The following MFSD11 variants were observed in gnomAD, a reference collection of about 807,000 sequenced individuals.
MFSD11 encodes the protein major facilitator superfamily domain containing 11, also known as UNC93-like protein MFSD11.
In MFSD11, 36 loss-of-function variants were observed where a neutral mutation model predicts 53.5. That is an observed-to-expected ratio of 0.67 (90% confidence interval 0.52 to 0.89). The LOEUF is 0.89. Ranked by LOEUF, MFSD11 falls within the 40% of genes least tolerant of loss-of-function variation. The pLI, the probability that MFSD11 is intolerant of heterozygous loss-of-function variation, is 0.00. For synonymous variants in MFSD11, 186 were observed against 184.9 expected (o/e 1.01, Z -0.05); for missense variants, 530 against 543.9 (o/e 0.97, Z 0.25).
chr17:76,796,302 A>C, the MFSD11 span, among the ~76,000 whole-genome samples: 4 of 152,226 alleles, frequency 2.6e-5, no homozygotes, highest in African/African-American at 9.6e-5. Context: ...ACTTTAGTGA[A>C]GTTCCCACAG....
Position 76,744,438 on chromosome 17 carries a change from T to C in MFSD11, c.613T>C (p.Ser205Pro), listed in dbSNP as rs1598499772. ...AAATGTCCTAGGAGAAGATGAGTCT[T>C]CTGATGACCAGGACATGGAAGTCAA... ...SENVLGEDES[S>P]DDQDMEVNES... Residue 205 changes from serine (S) to proline (P), a missense_variant, in exon 7 of 13, where the codon TCT (serine) becomes CCT (proline). Ser to Pro is a moderately conservative substitution (Grantham distance 74). Coordinates refer to ENST00000685175, the MANE Select transcript of MFSD11 (RefSeq NM_001242532.5). 1 of 1,613,452 alleles carries C rather than the reference T, an allele frequency of 6.2e-7. No homozygotes were observed. Among genetic ancestry groups the C allele is most frequent in the African/African-American group, 1.3e-5 (1 of 74,906 alleles).
At chr17:76,769,497 C>T in intron 9 of MFSD11, 1 of 306,292 alleles carries the variant, frequency 3.3e-6, no homozygotes, top group Non-Finnish European at 6.0e-6. Flanking sequence ...CAAATACCAT[C>T]ATGTTTTGGG....
the MFSD11 span, among the ~76,000 whole-genome samples, chr17:76,798,810 C>T: frequency 6.6e-6 from 1 of 151,670 alleles, no homozygotes; most frequent in African/African-American, 2.4e-5. Flanking sequence ...GGAGGATCAC[C>T]TGAGGTCAGG....
At chr17:76,801,026 G>A in the MFSD11 span, among the ~76,000 whole-genome samples, 2 of 151,622 alleles carry the variant, frequency 1.3e-5, no homozygotes, top group Non-Finnish European at 2.9e-5. Flanking sequence ...GCAGTGAGCC[G>A]AGATGGCACA....
chr17:76,791,372 C>CT, the MFSD11 span, among the ~76,000 whole-genome samples: 3 of 148,726 alleles, frequency 2.0e-5, no homozygotes, highest in African/African-American at 5.0e-5. Flanking sequence ...ATTCTTCAGT[C>CT]TTTTTTGTTT....
chr17:76,769,606 G>C, intron 9 of MFSD11, 140 bp from the exon 10 acceptor site: 2 of 600,386 alleles, frequency 3.3e-6, no homozygotes, highest in South Asian at 4.6e-5. Context: ...ATTATGCTCT[G>C]CTTGGGGATT....
At chr17:76,746,867 T>C (rs2078590758) in intron 7 of MFSD11, among the ~76,000 whole-genome samples, 1 of 152,162 alleles carries the variant, frequency 6.6e-6, no homozygotes, top group Non-Finnish European at 1.5e-5. Context: ...TTTCATGCCT[T>C]CTAACAACAT....
At chr17:76,758,287 A>G (rs894006124) in intron 8 of MFSD11, among the ~76,000 whole-genome samples, 4 of 136,904 alleles carry the variant, frequency 2.9e-5, no homozygotes, top group African/African-American at 5.2e-5. Flanking sequence ...TGAAACTATA[A>G]AAGTAATTGA....
chr17:76,765,667 T>C (rs1243143904), intron 8 of MFSD11, among the ~76,000 whole-genome samples: 1 of 151,956 alleles, frequency 6.6e-6, no homozygotes, highest in East Asian at 1.9e-4. Context: ...TTTCGCCATG[T>C]TGCCCAAGCT....
Position 76,741,984 on chromosome 17 carries a change from T to C in MFSD11, c.276T>C (p.Val92=), listed in dbSNP as rs1472492271. The change falls in exon 4 of 13, where the codon GTT becomes GTC. Residue 92 remains valine (V), a synonymous_variant. Coordinates refer to ENST00000685175, the MANE Select transcript of MFSD11 (RefSeq NM_001242532.5). ...SGLFYSMYIA[V]FIQPFPWSFY... is the part of the protein sequence containing the mutation. ...TATATTTTAGCATGTACATTGCCGT[T>C]TTCATCCAGCCTTTCCCGTGGTCCT... 1.9e-6 allele frequency: 3 copies of C among 1,614,216 alleles called. No individual in the cohort carries two copies. Among genetic ancestry groups the C allele is most frequent in the East Asian group, 2.2e-5 (1 of 44,882 alleles).
In MFSD11 at chr17:76,772,201, G is replaced by A. The variant is rs967981019; in HGVS notation, c.874+2330G>A. Reference sequence around the variant, plus strand: ...TTTGGGGAGCTGAGGTGGGCAGATCGCTTGAGTTCAGGAGTTTGAGACCAG... The same window carrying A: ...TTTGGGGAGCTGAGGTGGGCAGATCACTTGAGTTCAGGAGTTTGAGACCAG... On this transcript the variant is annotated intron_variant, in intron 10 of 12. Coordinates refer to ENST00000685175, the MANE Select transcript of MFSD11 (RefSeq NM_001242532.5). Among the ~76,000 whole-genome samples, 18 of 152,118 alleles carry A rather than the reference G, an allele frequency of 1.2e-4. 1 individual carries two copies. The highest frequency in any genetic ancestry group is 3.4e-3 in the Middle Eastern group (1 of 294).
chr17:76,796,302 A>G, the MFSD11 span, among the ~76,000 whole-genome samples: 1 of 152,108 alleles, frequency 6.6e-6, no homozygotes, highest in Admixed American at 6.6e-5. Context: ...ACTTTAGTGA[A>G]GTTCCCACAG....
At chr17:76,800,627 G>T in the MFSD11 span, among the ~76,000 whole-genome samples, 136,164 of 152,158 alleles carry the variant, frequency 0.89, 61,382 homozygotes, top group Non-Finnish European at 0.93. Context: ...ATTATTTGTT[G>T]TCTGGCTACA....
chr17:76,786,841 A>G, the MFSD11 span, among the ~76,000 whole-genome samples: 2 of 152,028 alleles, frequency 1.3e-5, no homozygotes, highest in Non-Finnish European at 2.9e-5. Context: ...TTTGACACGG[A>G]GTCTCGCTCT....
chr17:76,796,324 C>A, the MFSD11 span, among the ~76,000 whole-genome samples: 1 of 152,154 alleles, frequency 6.6e-6, no homozygotes, highest in Admixed American at 6.6e-5. Context: ...CTGAATCACA[C>A]CTCATCTTGC....
At chr17:76,745,271 A>C (rs2078433827) in intron 7 of MFSD11, 1 of 152,356 alleles carries the variant, frequency 6.6e-6, no homozygotes, top group South Asian at 2.1e-4. Flanking sequence ...AAAATTGTCC[A>C]GTCATAGGAG....
chr17:76,737,314 C>T (rs888282246), upstream of MFSD11: 18 of 1,095,114 alleles, frequency 1.6e-5, no homozygotes, highest in African/African-American at 2.2e-4. Flanking sequence ...CGCAGGCTAG[C>T]GCACCTGAGT....
intron 8 of MFSD11, among the ~76,000 whole-genome samples, chr17:76,761,661 G>A (rs897850319): frequency 2.0e-5 from 3 of 152,130 alleles, no homozygotes; most frequent in Non-Finnish European, 2.9e-5. Flanking sequence ...AGTGGCTCAC[G>A]CCTGTAATCC....
chr17:76,737,692 G>T, upstream of MFSD11: 1 of 176,002 alleles, frequency 5.7e-6, no homozygotes, highest in Non-Finnish European at 1.2e-5. Flanking sequence ...TTTTTGCTCA[G>T]CCGTCAGCCC....
Sources: gnomAD v4.1 joint callset for allele counts (sites outside exome capture counted in the v4.1 genomes callset) on GRCh38, gnomAD v4.1.1 for gene constraint, MANE v1.5 for transcripts, NCBI Gene and HGNC (gene_info 2026-07-23, HGNC 2026-07-21) for gene names.